CREBBP: variants seen among roughly 807,000 people sequenced by gnomAD.
The protein encoded by CREBBP is CREB-binding protein.
A neutral mutation model predicts 265.0 loss-of-function variants in CREBBP; 19 were observed. The observed-to-expected ratio is 0.07, with a 90% confidence interval of 0.05 to 0.11. The LOEUF is 0.11. CREBBP is among the 10% of genes least tolerant of loss of function. The pLI is 1.00. For synonymous variants in CREBBP, 1,457 were observed against 1,223.7 expected, an observed-to-expected ratio of 1.19 and a Z score of -3.98; for missense variants, 2,525 against 3,219.0, an observed-to-expected ratio of 0.78 and a Z score of 5.22.
rs199553418 is a variant in CREBBP, at chr16:3,727,695, GA to G, written c.*22del. On this transcript the variant is annotated 3_prime_UTR_variant, in exon 31 of 31. Transcript: ENST00000262367. ...ACAAAAGGTCCAAGAACATGAAAGG[GA>G]AAAGGTGATGCTCTCACAATGCTAC... 1.3e-5 allele frequency: 21 copies of G among 1,613,838 alleles called. No individual in the cohort carries two copies. In the African/African-American group the frequency reaches 2.5e-4, roughly 20 times the overall value.
intron 19 of CREBBP, among the ~76,000 whole-genome samples, chr16:3,756,159 A>G (rs1203072668): frequency 3.3e-5 from 5 of 152,238 alleles, no homozygotes; most frequent in African/African-American, 1.2e-4. Context: ...AAATGAGAGT[A>G]AAATAATAAA....
intron 1 of CREBBP, among the ~76,000 whole-genome samples, chr16:3,871,145 T>C (rs1483450293): frequency 6.6e-6 from 1 of 150,690 alleles, no homozygotes. Context: ...ACAAATGGAA[T>C]ACTGCAGGGT....
intron 28 of CREBBP, among the ~76,000 whole-genome samples, chr16:3,732,520 G>T (rs917866255): frequency 6.6e-6 from 1 of 152,156 alleles, no homozygotes; most frequent in African/African-American, 2.4e-5. Context: ...CTCCTCCTCT[G>T]GAAAGAACGC....
intron 3 of CREBBP, among the ~76,000 whole-genome samples, chr16:3,804,466 G>A (rs1285417626): frequency 1.3e-5 from 2 of 152,126 alleles, no homozygotes. Flanking sequence ...TTGTGGAAAA[G>A]GTAAAAGGAA....
At chr16:3,769,795 C>T (rs186553349) in intron 14 of CREBBP, among the ~76,000 whole-genome samples, 161 of 152,180 alleles carry the variant, frequency 1.1e-3, no homozygotes, top group African/African-American at 3.0e-3. Context: ...GGTAGGAACA[C>T]GGGTGCTGGT....
intron 2 of CREBBP, among the ~76,000 whole-genome samples, chr16:3,822,995 G>C (rs1390910342): frequency 6.6e-6 from 1 of 152,104 alleles, no homozygotes; most frequent in African/African-American, 2.4e-5. Context: ...AGGTGACTCT[G>C]ATTACTGACA....
chr16:3,771,610 C>T (rs902550768), intron 13 of CREBBP, among the ~76,000 whole-genome samples: 5 of 151,906 alleles, frequency 3.3e-5, no homozygotes, highest in African/African-American at 7.3e-5. Context: ...CCTGAAACTG[C>T]GGATAGTACT....
intron 11 of CREBBP, among the ~76,000 whole-genome samples, chr16:3,776,230 T>A (rs560537524): frequency 3.9e-5 from 6 of 152,294 alleles, no homozygotes; most frequent in African/African-American, 1.4e-4. Flanking sequence ...ACTCCTTGAT[T>A]TCTTTCAAAA....
intron 19 of CREBBP, among the ~76,000 whole-genome samples, chr16:3,753,642 T>G (rs1413343466): frequency 6.6e-6 from 1 of 152,202 alleles, no homozygotes; most frequent in Non-Finnish European, 1.5e-5. Flanking sequence ...GAAGAAGAAC[T>G]TCCGTGTGCA....
At chr16:3,735,584 C>T (rs931125282) in intron 28 of CREBBP, among the ~76,000 whole-genome samples, 13 of 152,124 alleles carry the variant, frequency 8.5e-5, no homozygotes, top group South Asian at 2.1e-4. Context: ...TGTGAGCCAC[C>T]GCGCCTGGCC....
chr16:3,816,528 C>G (rs1256698571), intron 2 of CREBBP, among the ~76,000 whole-genome samples: 1 of 152,180 alleles, frequency 6.6e-6, no homozygotes, highest in Non-Finnish European at 1.5e-5. Context: ...AATCCTGGTG[C>G]TGAGCCTAGC....
chr16:3,819,905 C>A (rs928740109), intron 2 of CREBBP, among the ~76,000 whole-genome samples: 23 of 152,186 alleles, frequency 1.5e-4, no homozygotes, highest in Admixed American at 5.2e-4. Flanking sequence ...CATAAGCCAG[C>A]CACGACACAG....
rs758618353 is a variant in CREBBP at position 3,778,084 on chromosome 16, C to T, written c.2040G>A (p.Gly680=). 33 of 1,614,200 alleles carry T rather than the reference C, an allele frequency of 2.0e-5. No homozygotes were observed. The South Asian group carries it at 2.9e-4, about 14-fold the overall frequency. Residue 680 remains glycine (G), a synonymous_variant, in exon 10 of 31, where the codon GGG becomes GGA. Coordinates refer to ENST00000262367, the MANE Select transcript of CREBBP (RefSeq NM_004380.3). ...CCGGGGCTGGTAAGGCTGGCTGGTT[C>T]CCCAAGATGCCTTGTTTATGTAAAC... ...RSRLHKQGIL[G]NQPALPAPGA...
rs2052976872 is a variant in CREBBP, at chr16:3,770,584, G to A, written c.2866C>T (p.Pro956Ser). The A allele has an allele frequency of 6.2e-7, 1 of 1,613,334 alleles. No homozygotes were observed. Among genetic ancestry groups the A allele is most frequent in the Middle Eastern group, 1.7e-4 (1 of 5,798 alleles). Residue 956 changes from proline to serine, a missense_variant, in exon 14 of 31, where the codon CCT (proline) becomes TCT (serine). Physicochemically the swap from Pro to Ser is moderately conservative, Grantham distance 74. This residue lies in a region of CREBBP where 548 missense variants were observed against 533.0 expected (regional missense o/e 1.03). Transcript: ENST00000262367. ...QQQPTPVHAQ[P>S]PGTPLSQAAA... ...GAGAGGCTTACCGGTGTGCCAGGAG[G>A]CTGGGCGTGCACAGGCGTCGGCTGT...
rs554810606 is a variant in CREBBP at position 3,729,182 on chromosome 16, C to G, written c.5865G>C (p.Ala1955=). Residue 1955 remains alanine (A), a synonymous_variant, in exon 31 of 31, where the codon GCG becomes GCC. Transcript: ENST00000262367. ...PPPPAQPPPA[A]VEAARQIERE... ...GCTCGATCTGCCGAGCCGCTTCCAC[C>G]GCTGCAGGAGGGGGCTGGGCCGGGG... 6.5e-7 allele frequency: 1 copy of G among 1,529,470 alleles called. No homozygotes were observed. Among genetic ancestry groups the G allele is most frequent in the Non-Finnish European group, 8.7e-7 (1 of 1,143,010 alleles). The allele number at this position is 1,529,470 out of a possible 1,614,324, so 94.7% of individuals were successfully genotyped here. A position where few individuals can be genotyped will look rare whatever the true frequency, so the allele number is the denominator to read the frequency against.
chr16:3,858,788 C>T (rs1396761746), intron 1 of CREBBP, among the ~76,000 whole-genome samples: 1 of 152,188 alleles, frequency 6.6e-6, no homozygotes, highest in Non-Finnish European at 1.5e-5. Context: ...GCCCTCTTTA[C>T]CTTTTAGGGG....
chr16:3,849,943 C>T (rs1400454231), intron 2 of CREBBP, among the ~76,000 whole-genome samples: 1 of 152,110 alleles, frequency 6.6e-6, no homozygotes, highest in African/African-American at 2.4e-5. Flanking sequence ...ACTGTGCCAA[C>T]AGATACTTCA....
chr16:3,773,643 T>C (rs764647679), intron 13 of CREBBP, 108 bp downstream of exon 13: 3 of 1,161,398 alleles, frequency 2.6e-6, no homozygotes, highest in Non-Finnish European at 3.7e-6. Flanking sequence ...ACATGAAATG[T>C]GCATTCTGGA....
At chr16:3,810,464 C>G in intron 3 of CREBBP, 139 bp downstream of exon 3, 1 of 960,214 alleles carries the variant, frequency 1.0e-6, no homozygotes, top group Non-Finnish European at 1.7e-6. Context: ...TAGAGAGCTA[C>G]TCATGAGAAA....
Sources: gnomAD v4.1 joint callset for allele counts (sites outside exome capture counted in the v4.1 genomes callset) on GRCh38, gnomAD v4.1.1 for gene constraint, gnomAD v4.1.1 regional missense constraint, MANE v1.5 for transcripts, NCBI Gene and HGNC (gene_info 2026-07-23, HGNC 2026-07-21) for gene names.